KIAA1217: variants seen among roughly 807,000 people sequenced by gnomAD.
KIAA1217 encodes sickle tail protein homolog.
A neutral mutation model predicts 163.9 loss-of-function variants in KIAA1217; 88 were observed. The ratio of observed to expected loss-of-function variants is 0.54; its 90% CI spans 0.45 to 0.64. KIAA1217 has a LOEUF of 0.64. KIAA1217 is among the 30% of genes least tolerant of loss of function. KIAA1217 has a pLI of 0.00. For missense variants in KIAA1217, 2,372 were observed against 2,475.0 expected (o/e 0.96, Z 0.88); for synonymous variants, 903 against 923.1 (o/e 0.98, Z 0.39).
At position 24,271,135 on chromosome 10, in the gene KIAA1217, G is replaced by A. The variant is rs570152453; in HGVS notation, c.354+51226G>A. Among the ~76,000 whole-genome samples, 38 of 152,220 alleles carry A rather than the reference G, an allele frequency of 2.5e-4. No individual in the cohort carries two copies. In the Middle Eastern group the frequency reaches 0.014, roughly 55 times the overall value. Reference sequence around the variant, plus strand: ...GCTCCATTTTCAAAGTACTTTTGAAGCTTTCTTTTCCAATTTGGCATCAAA... The same window carrying A: ...GCTCCATTTTCAAAGTACTTTTGAAACTTTCTTTTCCAATTTGGCATCAAA... On this transcript the variant is annotated intron_variant, in intron 2 of 20. Coordinates refer to ENST00000376454, the MANE Select transcript of KIAA1217 (RefSeq NM_019590.5).
At chr10:24,302,904 G>A (rs1032966197) in intron 2 of KIAA1217, among the ~76,000 whole-genome samples, 1 of 152,146 alleles carries the variant, frequency 6.6e-6, no homozygotes, top group East Asian at 1.9e-4. Flanking sequence ...GGCTACATGG[G>A]ACTGAGGGAC....
At chr10:23,999,828 G>T (rs1846659566) in intron 1 of KIAA1217, among the ~76,000 whole-genome samples, 1 of 152,134 alleles carries the variant, frequency 6.6e-6, no homozygotes, top group African/African-American at 2.4e-5. Context: ...GGGAGGCCAA[G>T]GCGAGAGGAT....
chr10:24,223,663 A>G (rs1469640726), intron 2 of KIAA1217, among the ~76,000 whole-genome samples: 3 of 152,058 alleles, frequency 2.0e-5, no homozygotes, highest in Non-Finnish European at 4.4e-5. Context: ...TAAGATGTTG[A>G]AAGTGATGTA....
chr10:24,520,651 A>AAT (rs71472811), intron 11 of KIAA1217, among the ~76,000 whole-genome samples: 771 of 39,474 alleles, frequency 0.02, 28 homozygotes, highest in East Asian at 0.029. Flanking sequence ...AAAAAAAAAA[A>AAT]ATATATATAT....
intron 8 of KIAA1217, among the ~76,000 whole-genome samples, chr10:24,497,656 G>A (rs2066969446): frequency 6.6e-6 from 1 of 151,708 alleles, no homozygotes; most frequent in African/African-American, 2.4e-5. Context: ...AGAGGTCAAG[G>A]CTGCAGTAAG....
At chr10:24,096,213 T>G (rs1014893185) in intron 2 of KIAA1217, among the ~76,000 whole-genome samples, 2 of 152,228 alleles carry the variant, frequency 1.3e-5, no homozygotes, top group Non-Finnish European at 2.9e-5. Flanking sequence ...CATGGTTGTC[T>G]GTTGTTTGTG....
chr10:24,360,841 TCTC>T (rs1355513451), intron 2 of KIAA1217, among the ~76,000 whole-genome samples: 1 of 151,978 alleles, frequency 6.6e-6, no homozygotes, highest in Non-Finnish European at 1.5e-5. Flanking sequence ...TCAAATCAAA[TCTC>T]CTGTTTTTCT....
intron 1 of KIAA1217, among the ~76,000 whole-genome samples, chr10:23,984,826 C>T (rs1036688705): frequency 2.6e-5 from 4 of 151,812 alleles, no homozygotes; most frequent in African/African-American, 7.3e-5. Context: ...GGCTTAAAAC[C>T]GAGATGATGG....
rs766993326 is a variant in KIAA1217 at position 24,544,481 on chromosome 10, G to T, written c.5211G>T (p.Lys1737Asn). 6.2e-6 allele frequency: 10 copies of T among 1,603,788 alleles called. No individual in the cohort carries two copies. The East Asian group carries it at 2.2e-4, about 36-fold the overall frequency. Reference protein sequence around the residue: ...PPTSIPSASRKGSSGAPQTSR... With the variant: ...PPTSIPSASRNGSSGAPQTSR... ...CGTCGATACCTTCAGCTTCACGTAA[G>T]GTATCTTGGTCTGCTGGAAAATGAA... Residue 1737 changes from lysine (K) to asparagine (N), a missense_variant and splice_region_variant, in exon 19 of 21, where the codon AAG becomes AAT. Lys to Asn is a moderately conservative substitution (Grantham distance 94). Coordinates refer to ENST00000376454, the MANE Select transcript of KIAA1217 (RefSeq NM_019590.5).
At chr10:24,262,676 G>A (rs1457001750) in intron 2 of KIAA1217, among the ~76,000 whole-genome samples, 3 of 150,968 alleles carry the variant, frequency 2.0e-5, no homozygotes, top group East Asian at 3.9e-4. Flanking sequence ...CTCAATTTAA[G>A]GTGCTAGGTA....
chr10:24,093,615 A>T (rs922254524), intron 2 of KIAA1217, among the ~76,000 whole-genome samples: 1 of 146,060 alleles, frequency 6.8e-6, no homozygotes, highest in African/African-American at 2.5e-5. Flanking sequence ...TCAACTAAGA[A>T]TTTTTTTTTT....
Position 24,539,703 on chromosome 10 carries a change from A to C in KIAA1217, c.3534+2810A>C, listed in dbSNP as rs150423509. Among the ~76,000 whole-genome samples, 8 of 152,312 alleles carry C rather than the reference A, an allele frequency of 5.3e-5. No homozygotes were observed. In the East Asian group the frequency reaches 1.4e-3, roughly 26 times the overall value. ...TCTGGATAATTAATCTCAGTAGATT[A>C]ACCTTCTTCAGAATGACCATGTATA... On this transcript the variant is annotated intron_variant, in intron 17 of 20. Transcript: ENST00000376454.
intron 2 of KIAA1217, among the ~76,000 whole-genome samples, chr10:24,290,099 G>GCCGAAAAACCTGGAGA (rs2132427732): frequency 6.6e-6 from 1 of 152,216 alleles, no homozygotes; most frequent in South Asian, 2.1e-4. Context: ...AGATAAGGAG[G>GCCGAAAAACCTGGAGA]CCGAAAAACC....
chr10:23,929,918 A>C (rs1843188628), intron 1 of KIAA1217, among the ~76,000 whole-genome samples: 1 of 152,150 alleles, frequency 6.6e-6, no homozygotes, highest in Non-Finnish European at 1.5e-5. Flanking sequence ...TTATATTCCC[A>C]CTGATAGTGT....
At chr10:23,808,585 G>GA (rs1414585445) in intron 1 of KIAA1217, among the ~76,000 whole-genome samples, 1 of 151,578 alleles carries the variant, frequency 6.6e-6, no homozygotes, top group Non-Finnish European at 1.5e-5. Context: ...AGATCAAACA[G>GA]AAAAAAAGGG....
At chr10:24,341,928 C>A (rs2047151256) in intron 2 of KIAA1217, among the ~76,000 whole-genome samples, 1 of 151,772 alleles carries the variant, frequency 6.6e-6, no homozygotes, top group East Asian at 1.9e-4. Context: ...AAAGTATCAT[C>A]TTTTATAATA....
intron 2 of KIAA1217, among the ~76,000 whole-genome samples, chr10:24,171,824 G>A (rs918886686): frequency 4.0e-5 from 6 of 151,690 alleles, no homozygotes; most frequent in African/African-American, 7.3e-5. Flanking sequence ...ATAAATAAAT[G>A]AATAAATAAA....
chr10:23,767,396 G>C (rs1453649715), intron 1 of KIAA1217, among the ~76,000 whole-genome samples: 2 of 152,160 alleles, frequency 1.3e-5, no homozygotes, highest in African/African-American at 4.8e-5. Context: ...CAATATTCCA[G>C]ATGAGAAATT....
intron 2 of KIAA1217, among the ~76,000 whole-genome samples, chr10:24,364,286 C>T (rs111252102): frequency 2.6e-5 from 4 of 151,902 alleles, no homozygotes; most frequent in Admixed American, 2.6e-4. Flanking sequence ...GCCACCCGCT[C>T]TTATTTTTTA....
Sources: gnomAD v4.1 joint callset for allele counts (sites outside exome capture counted in the v4.1 genomes callset) on GRCh38, gnomAD v4.1.1 for gene constraint, MANE v1.5 for transcripts, NCBI Gene and HGNC (gene_info 2026-07-23, HGNC 2026-07-21) for gene names.